The following ERI3 variants were observed in gnomAD, a reference collection of about 807,000 sequenced individuals.
ERI3 encodes ERI1 exoribonuclease 3.
In ERI3, 18 loss-of-function variants were observed where a neutral mutation model predicts 44.4. The observed-to-expected ratio is 0.41, with a 90% CI of 0.28 to 0.60. The LOEUF (loss-of-function observed/expected upper bound fraction) is 0.60. Ranked by LOEUF, ERI3 falls within the 20% of genes least tolerant of loss-of-function variation. The probability of loss-of-function intolerance (pLI) is 0.36; values close to 1 mark genes in which losing one functional copy is unlikely to be tolerated. For missense variants in ERI3, 294 were observed against 435.5 expected, an observed-to-expected ratio of 0.68 and a Z score of 2.89; for synonymous variants, 183 against 164.8, an observed-to-expected ratio of 1.11 and a Z score of -0.84.
chr1:44,222,808 T>C (rs962400239), intron 8 of ERI3, among the ~76,000 whole-genome samples: 2 of 152,214 alleles, frequency 1.3e-5, no homozygotes, highest in Admixed American at 6.5e-5. Context: ...ATAGGATCGA[T>C]GCTGTGATTG....
At chr1:44,257,343 G>C (rs1485045882) in intron 7 of ERI3, among the ~76,000 whole-genome samples, 4 of 141,842 alleles carry the variant, frequency 2.8e-5, no homozygotes, top group Admixed American at 2.1e-4. Flanking sequence ...AGCTCCCCCA[G>C]ATCAGGACCC....
chr1:44,221,487 GGT>G lies in ERI3; in HGVS notation c.*69_*70del, dbSNP rs1557759289. 3 of 1,238,326 alleles carry G rather than the reference GGT, an allele frequency of 2.4e-6. No homozygotes were observed. The highest frequency in any genetic ancestry group is 3.6e-6 in the Non-Finnish European group (3 of 841,056). 76.7% of individuals were successfully genotyped at this position (1,238,326 alleles called of 1,614,324 possible). A position where few individuals can be genotyped will look rare whatever the true frequency, so the allele number is the denominator to read the frequency against. On this transcript the variant is annotated 3_prime_UTR_variant, in exon 9 of 9. Transcript: ENST00000372257. This position sits in a 1 kb window ranked among gnomAD's most constrained non-coding sequence, Gnocchi z 5.9. ...TATGCCACTCTCCCTCTTCCCCTCT[GGT>G]GAGGGAGAGGAGGATTCTGGGCTGG...
chr1:44,279,813 A>G (rs534200766), intron 7 of ERI3, among the ~76,000 whole-genome samples: 11 of 152,266 alleles, frequency 7.2e-5, no homozygotes, highest in African/African-American at 2.6e-4. Flanking sequence ...CTACTATAAT[A>G]CTCTTTGAAA....
At chr1:44,311,790 G>A (rs1645978703) in intron 5 of ERI3, among the ~76,000 whole-genome samples, 1 of 152,114 alleles carries the variant, frequency 6.6e-6, no homozygotes, top group Non-Finnish European at 1.5e-5. Flanking sequence ...TCCTGGCTGG[G>A]GATGGTGGCT....
intron 6 of ERI3, among the ~76,000 whole-genome samples, chr1:44,287,149 C>A (rs977769647): frequency 6.6e-6 from 1 of 152,170 alleles, no homozygotes; most frequent in African/African-American, 2.4e-5. Flanking sequence ...AGCAAGATGA[C>A]AGCTGAGAAA....
At chr1:44,318,750 T>TA (rs1275052873) in intron 4 of ERI3, among the ~76,000 whole-genome samples, 6 of 152,226 alleles carry the variant, frequency 3.9e-5, no homozygotes, top group African/African-American at 1.4e-4. Context: ...CATTCACATG[T>TA]AGAAGATAGG....
intron 6 of ERI3, among the ~76,000 whole-genome samples, chr1:44,300,237 T>C (rs1272179979): frequency 6.6e-6 from 1 of 152,194 alleles, no homozygotes; most frequent in Non-Finnish European, 1.5e-5. Context: ...AGCAAGTACC[T>C]TTACCTTTTA....
intron 6 of ERI3, among the ~76,000 whole-genome samples, chr1:44,300,256 T>A (rs1044231099): frequency 6.6e-6 from 1 of 152,350 alleles, no homozygotes; most frequent in Middle Eastern, 3.4e-3. Context: ...TATCAGGGTT[T>A]TCACTGAGCA....
At chr1:44,293,138 T>C (rs1645542591) in intron 6 of ERI3, among the ~76,000 whole-genome samples, 1 of 152,266 alleles carries the variant, frequency 6.6e-6, no homozygotes, top group Non-Finnish European at 1.5e-5. Context: ...AAACATATTT[T>C]CCCAAAGCCC....
chr1:44,320,955 C>T (rs1031826307), intron 3 of ERI3, among the ~76,000 whole-genome samples: 1 of 152,162 alleles, frequency 6.6e-6, no homozygotes, highest in African/African-American at 2.4e-5. Context: ...TTCCCCAGGT[C>T]CTTCATTCTG....
At position 44,241,798 on chromosome 1, in the gene ERI3, C is replaced by T. The variant is rs1644441313; in HGVS notation, c.931+6141G>A. The T allele has an allele frequency of 3.9e-6, 1 of 258,434 alleles. No individual in the cohort carries two copies. The highest frequency in any genetic ancestry group is 1.6e-4 in the South Asian group (1 of 6,338). The allele number at this position is 258,434 out of a possible 1,614,324, so 16.0% of individuals were successfully genotyped here. ...ATTGTACTTCCTAAAGAATCAAACA[C>T]ACATAACACATACATACATACATAC... On this transcript the variant is annotated intron_variant, in intron 8 of 8. Coordinates refer to ENST00000372257, the MANE Select transcript of ERI3 (RefSeq NM_024066.3). The surrounding 1 kb of genome is among the most constrained non-coding windows in gnomAD (Gnocchi z 5.6).
chr1:44,355,236 C>T lies in ERI3; in HGVS notation c.-210G>A. On this transcript the variant is annotated 5_prime_UTR_variant, in exon 1 of 9. It adds an upstream start codon to the 5' untranslated region. Coordinates refer to ENST00000372257, the MANE Select transcript of ERI3 (RefSeq NM_024066.3). ...GCCTGAACAGCGGCAGCCAGCACCA[C>T]GAGTCCACAACACACCGACTCACCT... 8.5e-7 allele frequency: 1 copy of T among 1,180,734 alleles called. No individual in the cohort carries two copies. Among genetic ancestry groups the T allele is most frequent in the Non-Finnish European group, 1.0e-6 (1 of 955,414 alleles). The allele number at this position is 1,180,734 out of a possible 1,614,324, so 73.1% of individuals were successfully genotyped here. A position where few individuals can be genotyped will look rare whatever the true frequency, so the allele number is the denominator to read the frequency against.
intron 8 of ERI3, among the ~76,000 whole-genome samples, chr1:44,223,591 A>C (rs1643958444): frequency 6.6e-6 from 1 of 152,058 alleles, no homozygotes; most frequent in Non-Finnish European, 1.5e-5. Flanking sequence ...CACACACCTC[A>C]TTTCTTCCAG....
At chr1:44,259,558 C>T (rs114839860) in intron 7 of ERI3, among the ~76,000 whole-genome samples, 2,913 of 152,084 alleles carry the variant, frequency 0.019, 114 homozygotes, top group African/African-American at 0.067. Context: ...AAAGGTAGTT[C>T]CAGCCAGGCA....
In ERI3 at chr1:44,252,651, C is replaced by T. The variant is rs1644706192; in HGVS notation, c.832-4613G>A. 6.6e-6 allele frequency among the ~76,000 whole-genome samples: 1 copy of T among 152,238 alleles called. No homozygotes were observed. The highest frequency in any genetic ancestry group is 1.5e-5 in the Non-Finnish European group (1 of 68,036). ...CCGGCGGCTTATGGGGGCTTAGCAG[C>T]TGCGACAAGTGTATTGGGTTTAATA... On this transcript the variant is annotated intron_variant, in intron 7 of 8. Transcript: ENST00000372257. The surrounding 1 kb of genome is among the most constrained non-coding windows in gnomAD (Gnocchi z 4.7).
Position 44,339,329 on chromosome 1 carries a change from G to A in ERI3, c.212-7C>T, listed in dbSNP as rs749806086. On this transcript the variant is annotated splice_region_variant and splice_polypyrimidine_tract_variant and intron_variant, in intron 2 of 8. Coordinates refer to ENST00000372257, the MANE Select transcript of ERI3 (RefSeq NM_024066.3). ...CATCCAGAAGCATCTAAAACTTAGG[G>A]GAGGAAAGTTTAAAAAAAAAAAAAA... 2.1e-6 allele frequency: 3 copies of A among 1,414,486 alleles called. No individual in the cohort carries two copies. The highest frequency in any genetic ancestry group is 2.8e-6 in the Non-Finnish European group (3 of 1,075,714). 87.6% of individuals were successfully genotyped at this position (1,414,486 alleles called of 1,614,324 possible).
chr1:44,223,624 A>G (rs537147334), intron 8 of ERI3, among the ~76,000 whole-genome samples: 2 of 152,278 alleles, frequency 1.3e-5, no homozygotes, highest in Non-Finnish European at 1.5e-5. Flanking sequence ...TTAGTTTTCT[A>G]TTGACTTCAT....
At chr1:44,286,236 A>T (rs943057535) in intron 6 of ERI3, among the ~76,000 whole-genome samples, 11 of 152,148 alleles carry the variant, frequency 7.2e-5, no homozygotes, top group African/African-American at 2.7e-4. Context: ...TTCTGCCCAA[A>T]CTGTGGGAGA....
intron 7 of ERI3, among the ~76,000 whole-genome samples, chr1:44,249,954 T>A (rs554694475): frequency 2.0e-5 from 3 of 152,074 alleles, no homozygotes; most frequent in African/African-American, 7.2e-5. Flanking sequence ...GCTGGATGGG[T>A]TTTTTTCCCC....
Sources: gnomAD v4.1 joint callset for allele counts (sites outside exome capture counted in the v4.1 genomes callset) on GRCh38, gnomAD v4.1.1 for gene constraint, Gnocchi (gnomAD v3.1) non-coding constraint, MANE v1.5 for transcripts, NCBI Gene and HGNC (gene_info 2026-07-23, HGNC 2026-07-21) for gene names.